REDIC1: variants seen among roughly 807,000 people sequenced by gnomAD.
The protein encoded by REDIC1 is regulator of DNA class I crossover intermediates 1.
the REDIC1 span, among the ~76,000 whole-genome samples, chr12:39,737,211 T>C: frequency 6.6e-6 from 1 of 152,214 alleles, no homozygotes; most frequent in Non-Finnish European, 1.5e-5. Flanking sequence ...TGCACCTGGC[T>C]CTTTTAAAGC....
At chr12:39,878,608 G>A in the REDIC1 span, among the ~76,000 whole-genome samples, 183 of 152,288 alleles carry the variant, frequency 1.2e-3, no homozygotes, top group African/African-American at 3.8e-3. Context: ...TCAAGAAGTC[G>A]CCTGTCTGCT....
At chr12:39,627,926 G>C in the REDIC1 span, among the ~76,000 whole-genome samples, 1 of 152,170 alleles carries the variant, frequency 6.6e-6, no homozygotes, top group Non-Finnish European at 1.5e-5. Context: ...TGACAGTAGT[G>C]AAGTTGTGAG....
the REDIC1 span, among the ~76,000 whole-genome samples, chr12:39,633,954 C>G: frequency 1.3e-5 from 2 of 152,150 alleles, no homozygotes; most frequent in Non-Finnish European, 2.9e-5. Flanking sequence ...GTAGTTTTTT[C>G]CAACTCTGTA....
chr12:39,644,415 C>T, the REDIC1 span, among the ~76,000 whole-genome samples: 1 of 151,606 alleles, frequency 6.6e-6, no homozygotes. Context: ...TCCATTTTGT[C>T]ATATATTTTG....
chr12:39,739,683 C>A, the REDIC1 span, among the ~76,000 whole-genome samples: 2 of 152,082 alleles, frequency 1.3e-5, no homozygotes, highest in Non-Finnish European at 2.9e-5. Flanking sequence ...AAAAGAGGCA[C>A]AAAAACCAAA....
chr12:39,711,954 CAT>C, the REDIC1 span, among the ~76,000 whole-genome samples: 1 of 126,792 alleles, frequency 7.9e-6, no homozygotes. Context: ...TGTATACATA[CAT>C]ATATATCTAT....
At chr12:39,835,594 G>C in the REDIC1 span, 1 of 152,122 alleles carries the variant, frequency 6.6e-6, no homozygotes, top group Non-Finnish European at 1.5e-5. Flanking sequence ...AGCTGATGGA[G>C]ATGGCCCTCA....
At chr12:39,796,644 A>T in the REDIC1 span, among the ~76,000 whole-genome samples, 1 of 152,272 alleles carries the variant, frequency 6.6e-6, no homozygotes, top group South Asian at 2.1e-4. Flanking sequence ...GAGGAAACCC[A>T]GGCCTTAGAT....
chr12:39,902,594 C>T, the REDIC1 span, among the ~76,000 whole-genome samples: 2 of 152,000 alleles, frequency 1.3e-5, no homozygotes, highest in African/African-American at 4.8e-5. Context: ...TTATCTTGTC[C>T]TCACAAAAGT....
At chr12:39,714,272 T>TATAC in the REDIC1 span, among the ~76,000 whole-genome samples, 1 of 149,084 alleles carries the variant, frequency 6.7e-6, no homozygotes, top group South Asian at 2.1e-4. Flanking sequence ...CATATATGTA[T>TATAC]ATATGTATAT....
At chr12:39,712,326 A>C in the REDIC1 span, among the ~76,000 whole-genome samples, 1 of 7,474 alleles carries the variant, frequency 1.3e-4, no homozygotes, top group Non-Finnish European at 8.5e-4. Flanking sequence ...ATATATACAT[A>C]TGTTTATATA....
the REDIC1 span, among the ~76,000 whole-genome samples, chr12:39,702,317 T>G: frequency 6.6e-6 from 1 of 152,128 alleles, no homozygotes; most frequent in South Asian, 2.1e-4. Context: ...TCTACCCAAG[T>G]AAACTAGAAA....
the REDIC1 span, among the ~76,000 whole-genome samples, chr12:39,712,295 T>C: frequency 2.1e-5 from 2 of 96,890 alleles, 1 homozygote; most frequent in African/African-American, 6.8e-5. Flanking sequence ...CCTGTATGTA[T>C]ATATACATAC....
the REDIC1 span, chr12:39,683,348 T>C: frequency 5.3e-5 from 67 of 1,256,018 alleles, no homozygotes; most frequent in African/African-American, 9.7e-4. Context: ...GTGAATATGC[T>C]TTGAATTAAA....
chr12:39,645,974 A>G, the REDIC1 span, among the ~76,000 whole-genome samples: 1 of 152,048 alleles, frequency 6.6e-6, no homozygotes, highest in Non-Finnish European at 1.5e-5. Context: ...GGTGTATCAC[A>G]AAAATAGAGT....
At chr12:39,705,486 CA>C in the REDIC1 span, among the ~76,000 whole-genome samples, 5 of 152,068 alleles carry the variant, frequency 3.3e-5, no homozygotes, top group Non-Finnish European at 7.4e-5. Flanking sequence ...AACCTGATAC[CA>C]AAACCAGACA....
chr12:39,841,450 G>A, the REDIC1 span, among the ~76,000 whole-genome samples: 1 of 151,974 alleles, frequency 6.6e-6, no homozygotes, highest in African/African-American at 2.4e-5. Context: ...AACTCCAGTG[G>A]GGGTTAAGTG....
the REDIC1 span, among the ~76,000 whole-genome samples, chr12:39,770,076 A>G: frequency 2.0e-5 from 3 of 152,088 alleles, no homozygotes; most frequent in African/African-American, 7.2e-5. Context: ...TCTCTGACCT[A>G]TATGTATTCA....
chr12:39,704,546 A>G, the REDIC1 span, among the ~76,000 whole-genome samples: 1 of 152,164 alleles, frequency 6.6e-6, no homozygotes, highest in Non-Finnish European at 1.5e-5. Context: ...TAGAAATACC[A>G]TTTGACCCAG....
Sources: gnomAD v4.1 joint callset for allele counts (sites outside exome capture counted in the v4.1 genomes callset) on GRCh38, gnomAD v4.1.1 for gene constraint, MANE v1.5 for transcripts, NCBI Gene and HGNC (gene_info 2026-07-23, HGNC 2026-07-21) for gene names.